The following NTRK3 variants were observed in gnomAD, a reference collection of about 807,000 sequenced individuals.
The protein encoded by NTRK3 is NT-3 growth factor receptor.
NTRK3 carries 24 observed loss-of-function variants against 91.7 expected under a neutral mutation model. The observed-to-expected ratio is 0.26, with a 90% CI of 0.19 to 0.37. NTRK3 has a LOEUF of 0.37. Among genes scored for constraint, NTRK3 ranks in the 10% least tolerant of loss-of-function variants. NTRK3 has a pLI of 1.00. For missense variants in NTRK3, 880 were observed against 1,068.9 expected (o/e 0.82, Z 2.46); for synonymous variants, 483 against 404.0 (o/e 1.20, Z -2.34).
intron 17 of NTRK3, chr15:87,928,923 CG>C (rs1265924948): frequency 8.4e-6 from 5 of 595,208 alleles, no homozygotes; most frequent in Non-Finnish European, 1.5e-5. Context: ...TATTGAAGCA[CG>C]TAAGAACACA....
At chr15:88,221,364 A>G (rs960889797) in intron 3 of NTRK3, among the ~76,000 whole-genome samples, 3 of 152,234 alleles carry the variant, frequency 2.0e-5, no homozygotes, top group Non-Finnish European at 2.9e-5. Flanking sequence ...GTCATTACAA[A>G]TTCATAAGAA....
chr15:87,970,531 G>A (rs1408888892), intron 14 of NTRK3, among the ~76,000 whole-genome samples: 1 of 152,200 alleles, frequency 6.6e-6, no homozygotes, highest in African/African-American at 2.4e-5. Context: ...TCTAACATGT[G>A]TGTGCTGAGT....
intron 17 of NTRK3, among the ~76,000 whole-genome samples, chr15:87,886,676 C>CTATATATATATATATATATATATATATA (rs35011403): frequency 2.5e-4 from 25 of 101,176 alleles, no homozygotes; most frequent in African/African-American, 9.4e-4. Flanking sequence ...CCACTTTTTG[C>CTATATATATATATATATATATATATATA]TATATATATA....
intron 13 of NTRK3, among the ~76,000 whole-genome samples, chr15:88,082,010 C>G (rs1219512757): frequency 1.3e-5 from 2 of 152,178 alleles, no homozygotes; most frequent in African/African-American, 2.4e-5. Flanking sequence ...AGCTCAGACT[C>G]TAAAAGGTTC....
At chr15:88,120,632 T>C (rs557950941) in intron 13 of NTRK3, among the ~76,000 whole-genome samples, 3 of 152,358 alleles carry the variant, frequency 2.0e-5, no homozygotes, top group African/African-American at 7.2e-5. Flanking sequence ...CATCAGCTCC[T>C]ATCTTTCCCC....
At chr15:87,979,407 T>C in intron 14 of NTRK3, 1 of 1,614,018 alleles carries the variant, frequency 6.2e-7, no homozygotes, top group Non-Finnish European at 8.5e-7. Context: ...ATGCCATGGT[T>C]AAGAGGCTTG....
intron 5 of NTRK3, among the ~76,000 whole-genome samples, chr15:88,160,803 A>G (rs1170419969): frequency 6.6e-6 from 1 of 152,202 alleles, no homozygotes; most frequent in Non-Finnish European, 1.5e-5. Context: ...CTACTCTGGA[A>G]GGGAACAGTG....
chr15:88,041,249 T>C (rs1462308102), intron 13 of NTRK3, among the ~76,000 whole-genome samples: 1 of 152,188 alleles, frequency 6.6e-6, no homozygotes, highest in Non-Finnish European at 1.5e-5. Flanking sequence ...TAGACTTAAA[T>C]TGTACAATTC....
intron 14 of NTRK3, among the ~76,000 whole-genome samples, chr15:87,945,434 C>T (rs776675985): frequency 8.5e-5 from 13 of 152,342 alleles, no homozygotes; most frequent in Admixed American, 2.0e-4. Context: ...GTGGGATTCA[C>T]TTCTGGGAGG....
intron 3 of NTRK3, among the ~76,000 whole-genome samples, chr15:88,213,078 T>G (rs1484098720): frequency 1.3e-5 from 2 of 152,256 alleles, no homozygotes; most frequent in African/African-American, 4.8e-5. Flanking sequence ...CTTCTTTCTA[T>G]GCCTGACTGA....
At chr15:88,186,760 C>G (rs1315565975) in intron 3 of NTRK3, among the ~76,000 whole-genome samples, 2 of 152,176 alleles carry the variant, frequency 1.3e-5, no homozygotes, top group Non-Finnish European at 2.9e-5. Flanking sequence ...AATAACAGAG[C>G]TGAATAGTTG....
At chr15:88,155,266 T>C (rs2043782888) in intron 5 of NTRK3, among the ~76,000 whole-genome samples, 1 of 152,102 alleles carries the variant, frequency 6.6e-6, no homozygotes, top group Non-Finnish European at 1.5e-5. Flanking sequence ...ATGTGACTAA[T>C]GAAGGAAAGC....
exon 19 of NTRK3, chr15:87,869,240 G>A: frequency 4.3e-6 from 1 of 230,164 alleles, no homozygotes; most frequent in South Asian, 1.8e-4. Context: ...TGCTCCTGGA[G>A]GCTAAAAGTT....
intron 6 of NTRK3, among the ~76,000 whole-genome samples, chr15:88,145,976 T>G (rs573013646): frequency 6.6e-6 from 1 of 152,306 alleles, no homozygotes; most frequent in African/African-American, 2.4e-5. Context: ...TGAGTGACCT[T>G]AAACAGTATA....
Position 88,241,808 on chromosome 15 carries a change from G to A in NTRK3, c.248+14098C>T, listed in dbSNP as rs147378472. On this transcript the variant is annotated intron_variant, in intron 3 of 18. Coordinates refer to ENST00000394480, the Ensembl canonical transcript of NTRK3. The surrounding 1 kb of genome is among the most constrained non-coding windows in gnomAD (Gnocchi z 4.3). Reference sequence around the variant, plus strand: ...CGAGAACATGGCCCCGGGAATGGACGGAATCTGCCGTGCACTCTCAGCAAA... The same window carrying A: ...CGAGAACATGGCCCCGGGAATGGACAGAATCTGCCGTGCACTCTCAGCAAA... Among the ~76,000 whole-genome samples the A allele has an allele frequency of 1.3e-5, 2 of 152,292 alleles. No homozygotes were observed. Among genetic ancestry groups the A allele is most frequent in the East Asian group, 1.9e-4 (1 of 5,176 alleles).
At chr15:87,969,894 T>A (rs767553154) in intron 14 of NTRK3, among the ~76,000 whole-genome samples, 2 of 152,096 alleles carry the variant, frequency 1.3e-5, no homozygotes, top group Non-Finnish European at 2.9e-5. Flanking sequence ...TCCACCCTCA[T>A]CCAGAGAAAT....
intron 13 of NTRK3, among the ~76,000 whole-genome samples, chr15:88,085,988 G>T (rs1371246710): frequency 6.6e-6 from 1 of 152,220 alleles, no homozygotes; most frequent in Non-Finnish European, 1.5e-5. Context: ...TGAGCCTAGG[G>T]CATCGAGGCA....
chr15:88,131,450 G>A (rs2041335682), intron 10 of NTRK3, among the ~76,000 whole-genome samples: 1 of 152,126 alleles, frequency 6.6e-6, no homozygotes, highest in Non-Finnish European at 1.5e-5. Flanking sequence ...TATTGTTTTG[G>A]GGGATGGTCA....
intron 3 of NTRK3, among the ~76,000 whole-genome samples, chr15:88,209,541 G>T (rs2049065895): frequency 2.0e-5 from 3 of 152,166 alleles, no homozygotes; most frequent in Admixed American, 2.0e-4. Context: ...AGCCAAACAG[G>T]TAGCCACAAG....
Sources: gnomAD v4.1 joint callset for allele counts (sites outside exome capture counted in the v4.1 genomes callset) on GRCh38, gnomAD v4.1.1 for gene constraint, Gnocchi (gnomAD v3.1) non-coding constraint, MANE v1.5 for transcripts, NCBI Gene and HGNC (gene_info 2026-07-23, HGNC 2026-07-21) for gene names.